Variants in GSKIP observed in about 807,000 individuals in gnomAD.
GSKIP encodes GSK3B interacting protein.
Under a neutral mutation model 11.9 loss-of-function variants are expected in GSKIP, and 5 were observed. The ratio of observed to expected loss-of-function variants is 0.42; its 90% CI spans 0.22 to 0.89. The LOEUF is 0.89. Ranked by LOEUF, GSKIP falls within the 40% of genes least tolerant of loss-of-function variation. GSKIP has a pLI of 0.29. For missense variants in GSKIP, 150 were observed against 166.6 expected (o/e 0.90, Z 0.55); for synonymous variants, 70 against 62.9 (o/e 1.11, Z -0.54).
chr14:96,382,640 A>G (rs1318553452), intron 3 of GSKIP, 135 bp downstream of exon 3: 1 of 504,528 alleles, frequency 2.0e-6, no homozygotes, highest in East Asian at 3.3e-5. Flanking sequence ...TTTAAGAAAA[A>G]CTTTTAACCT....
chr14:96,383,237 G>A lies in GSKIP; in HGVS notation c.258+732G>A, dbSNP rs973209190. Among the ~76,000 whole-genome samples the A allele has an allele frequency of 1.1e-4, 16 of 152,160 alleles. No homozygotes were observed. In the South Asian group the frequency reaches 2.5e-3, roughly 24 times the overall value. Reference sequence around the variant, plus strand: ...CCAGCCTGGGCAGCATAGCAAGACCGTGTTTCTACAATATATTTTTTGTTA... The same window carrying A: ...CCAGCCTGGGCAGCATAGCAAGACCATGTTTCTACAATATATTTTTTGTTA... On this transcript the variant is annotated intron_variant, in intron 3 of 3. Transcript: ENST00000555181.
In GSKIP at chr14:96,363,581, C is replaced by T. The variant is rs1016921582; in HGVS notation, c.-103+13C>T. 5 of 152,540 alleles carry T rather than the reference C, an allele frequency of 3.3e-5. No individual in the cohort carries two copies. Among genetic ancestry groups the T allele is most frequent in the South Asian group, 2.0e-4 (1 of 4,962 alleles). 9.4% of individuals were successfully genotyped at this position (152,540 alleles called of 1,614,324 possible). A position where few individuals can be genotyped will look rare whatever the true frequency, so the allele number is the denominator to read the frequency against. Reference sequence around the variant, plus strand: ...GCCGGGCGCGCAGGTGAGCGGCAGCCGGGGTGGCTGCGGGCGAGGGGCGGC... The same window carrying T: ...GCCGGGCGCGCAGGTGAGCGGCAGCTGGGGTGGCTGCGGGCGAGGGGCGGC... On this transcript the variant is annotated intron_variant, in intron 1 of 3. Coordinates refer to ENST00000555181, the MANE Select transcript of GSKIP (RefSeq NM_016472.5).
At chr14:96,366,016 G>A (rs1235519617) in intron 1 of GSKIP, among the ~76,000 whole-genome samples, 1 of 152,034 alleles carries the variant, frequency 6.6e-6, no homozygotes, top group East Asian at 1.9e-4. Context: ...CGTAATGCAA[G>A]GAAAAGATGA....
chr14:96,385,366 A>G (rs1889460820), intron 3 of GSKIP, among the ~76,000 whole-genome samples, 157 bp from the exon 4 acceptor site: 1 of 152,228 alleles, frequency 6.6e-6, no homozygotes, highest in Non-Finnish European at 1.5e-5. Context: ...ACTTTGAGAA[A>G]TAGTTTCACT....
chr14:96,368,599 T>G (rs1268813651), intron 1 of GSKIP, among the ~76,000 whole-genome samples: 1 of 152,222 alleles, frequency 6.6e-6, no homozygotes, highest in Non-Finnish European at 1.5e-5. Context: ...CCAAGCCTCA[T>G]GTTGAAATTT....
At chr14:96,374,733 C>G (rs1477633461) in intron 1 of GSKIP, among the ~76,000 whole-genome samples, 1 of 152,092 alleles carries the variant, frequency 6.6e-6, no homozygotes, top group East Asian at 1.9e-4. Context: ...GCAAAAACAT[C>G]TTTCACAAAT....
rs1442669683 is a variant in GSKIP, at chr14:96,386,374, G to C, written c.*690G>C. On this transcript the variant is annotated 3_prime_UTR_variant, in exon 4 of 4. Coordinates refer to ENST00000555181, the MANE Select transcript of GSKIP (RefSeq NM_016472.5). ...GAATGTAATAATTACTCATTTCCAA[G>C]ATATCTAAGCACATAAGCAAATACA... 3 of 152,544 alleles carry C rather than the reference G, an allele frequency of 2.0e-5. No individual in the cohort carries two copies. The highest frequency in any genetic ancestry group is 2.9e-5 in the Non-Finnish European group (2 of 68,016). 9.4% of individuals were successfully genotyped at this position (152,544 alleles called of 1,614,324 possible).
At chr14:96,364,935 A>AAAATTAAAACGACGGT (rs751897060) in intron 1 of GSKIP, 1 of 152,240 alleles carries the variant, frequency 6.6e-6, no homozygotes, top group African/African-American at 2.4e-5. Context: ...ATCAGAAAGG[A>AAAATTAAAACGACGGT]TCGTACGAGC....
rs963793367 is a variant in GSKIP at position 96,387,045 on chromosome 14, A to G, written c.*1361A>G. ...AGTTTGTGTCACAATTCATTGCCAGACTTCATTGGAATGCTTTGTTTGATG... is the reference window on the plus strand; with the variant it reads ...AGTTTGTGTCACAATTCATTGCCAGGCTTCATTGGAATGCTTTGTTTGATG... On this transcript the variant is annotated 3_prime_UTR_variant, in exon 4 of 4. Coordinates refer to ENST00000555181, the MANE Select transcript of GSKIP (RefSeq NM_016472.5). 5 of 152,206 alleles carry G rather than the reference A, an allele frequency of 3.3e-5. No individual in the cohort carries two copies. The highest frequency in any genetic ancestry group is 4.8e-5 in the African/African-American group (2 of 41,446). 9.4% of individuals were successfully genotyped at this position (152,206 alleles called of 1,614,324 possible).
chr14:96,378,257 G>A (rs1889255187), intron 1 of GSKIP, among the ~76,000 whole-genome samples: 1 of 152,144 alleles, frequency 6.6e-6, no homozygotes, highest in African/African-American at 2.4e-5. Context: ...GGGAGGTTGA[G>A]GTGGGAGGAT....
intron 3 of GSKIP, among the ~76,000 whole-genome samples, chr14:96,384,470 T>G (rs1443877069): frequency 2.0e-5 from 3 of 152,074 alleles, no homozygotes; most frequent in Non-Finnish European, 2.9e-5. Context: ...TCATAAAAAT[T>G]TAGGATTTAT....
At chr14:96,370,326 T>C (rs1327916848) in intron 1 of GSKIP, among the ~76,000 whole-genome samples, 1 of 152,114 alleles carries the variant, frequency 6.6e-6, no homozygotes, top group Non-Finnish European at 1.5e-5. Context: ...TGGGATAGAA[T>C]GGTTGTATTT....
chr14:96,385,482 A>T (rs774314871), intron 3 of GSKIP, 41 bp from the exon 4 acceptor site: 4 of 1,546,780 alleles, frequency 2.6e-6, no homozygotes, highest in Admixed American at 1.9e-5. Context: ...TTCTGTACCA[A>T]CATGAAAACT....
chr14:96,376,166 T>C (rs1191090505), intron 1 of GSKIP, among the ~76,000 whole-genome samples: 1 of 152,236 alleles, frequency 6.6e-6, no homozygotes, highest in African/African-American at 2.4e-5. Flanking sequence ...GAAACCCATA[T>C]TAAATAAAAA....
At chr14:96,378,759 C>A (rs1365828418) in intron 1 of GSKIP, among the ~76,000 whole-genome samples, 1 of 152,234 alleles carries the variant, frequency 6.6e-6, no homozygotes, top group African/African-American at 2.4e-5. Flanking sequence ...AGAGCTAAAT[C>A]AATCACTGCC....
At chr14:96,385,501 C>T in intron 3 of GSKIP, 22 bp from the exon 4 acceptor site, 1 of 1,582,914 alleles carries the variant, frequency 6.3e-7, no homozygotes, top group Non-Finnish European at 8.6e-7. Context: ...CTAATGAATT[C>T]ACTGTTGCAT....
chr14:96,367,526 T>C (rs897454950), intron 1 of GSKIP, among the ~76,000 whole-genome samples: 4 of 152,222 alleles, frequency 2.6e-5, no homozygotes, highest in African/African-American at 9.6e-5. Context: ...ACTCCATATG[T>C]TCTTGAAATC....
intron 1 of GSKIP, among the ~76,000 whole-genome samples, chr14:96,369,105 T>C (rs1314074929): frequency 6.6e-6 from 1 of 152,214 alleles, no homozygotes; most frequent in Non-Finnish European, 1.5e-5. Flanking sequence ...TGTTACACTG[T>C]AGCGAAGAAC....
intron 1 of GSKIP, among the ~76,000 whole-genome samples, chr14:96,376,821 T>A (rs917114047): frequency 1.3e-5 from 2 of 152,232 alleles, no homozygotes; most frequent in Non-Finnish European, 2.9e-5. Flanking sequence ...AAAAGTCGGC[T>A]ATGTAGGTAC....
Sources: allele counts gnomAD v4.1 joint callset (sites outside exome capture counted in the v4.1 genomes callset), GRCh38; gene constraint gnomAD v4.1.1; transcripts MANE v1.5; gene names NCBI Gene and HGNC (gene_info 2026-07-23, HGNC 2026-07-21).